The following OXSM variants were observed in gnomAD, a reference collection of about 807,000 sequenced individuals.
OXSM encodes the protein 3-oxoacyl-ACP synthase, mitochondrial, also known as 3-oxoacyl-[acyl-carrier-protein] synthase, mitochondrial.
OXSM carries 19 observed loss-of-function variants against 29.2 expected under a neutral mutation model. That is an observed-to-expected ratio of 0.65 (90% CI 0.45 to 0.96). The LOEUF (loss-of-function observed/expected upper bound fraction) is 0.96, where lower values mean the gene tolerates loss of function less well. Ranked by LOEUF, OXSM falls within the 40% of genes least tolerant of loss-of-function variation. The pLI is 0.00. For synonymous variants in OXSM, 178 were observed against 197.1 expected, an observed-to-expected ratio of 0.90 and a Z score of 0.81; for missense variants, 554 against 551.3, an observed-to-expected ratio of 1.00 and a Z score of -0.05.
chr3:25,791,868 T>C lies in OXSM; in HGVS notation c.848T>C (p.Leu283Pro). The change falls in exon 2 of 3, where the codon CTG becomes CCG. Residue 283 changes from leucine to proline, a missense_variant. Physicochemically the swap from Leu to Pro is moderately conservative, Grantham distance 98. Coordinates refer to ENST00000280701, the MANE Select transcript of OXSM (RefSeq NM_017897.3). ...GTAATGGGAGAAGGTGCAGCTGTGC[T>C]GGTGCTGGAAGAATATGAACATGCT... ...GFVMGEGAAV[L>P]VLEEYEHAVQ... 3 of 1,613,016 alleles carry C rather than the reference T, an allele frequency of 1.9e-6. No homozygotes were observed. The highest frequency in any genetic ancestry group is 2.5e-6 in the Non-Finnish European group (3 of 1,180,036).
intron 2 of OXSM, among the ~76,000 whole-genome samples, chr3:25,792,754 A>T (rs549858925): frequency 6.6e-6 from 1 of 152,276 alleles, no homozygotes; most frequent in African/African-American, 2.4e-5. Context: ...GACTACATTT[A>T]AGTTAACTGT....
Position 25,790,981 on chromosome 3 carries a change from CT to C in OXSM, c.-31-5del, listed in dbSNP as rs780467910. Reference sequence around the variant, plus strand: ...GAATACCTCCTAGGTGTGTTGTGGTCTTTTACAGGAATGTGTTTCTGATCAT... The same window carrying C: ...GAATACCTCCTAGGTGTGTTGTGGTCTTTACAGGAATGTGTTTCTGATCAT... On this transcript the variant is annotated splice_region_variant and splice_polypyrimidine_tract_variant and intron_variant, in intron 1 of 2. Coordinates refer to ENST00000280701, the MANE Select transcript of OXSM (RefSeq NM_017897.3). 4 of 1,580,036 alleles carry C rather than the reference CT, an allele frequency of 2.5e-6. No individual in the cohort carries two copies. The highest frequency in any genetic ancestry group is 2.6e-6 in the Non-Finnish European group (3 of 1,161,306).
Position 25,791,097 on chromosome 3 carries a change from G to C in OXSM, c.77G>C (p.Arg26Thr). 16 of 1,614,148 alleles carry C rather than the reference G, an allele frequency of 9.9e-6. No individual in the cohort carries two copies. Among genetic ancestry groups the C allele is most frequent in the Non-Finnish European group, 1.4e-5 (16 of 1,179,972 alleles). The part of the protein sequence containing the change: ...LLCSRLCQQL[R>T]SKRKFFGTVP... ...TGTTCAAGATTATGCCAACAGTTAA[G>C]AAGTAAAAGGAAGTTTTTCGGAACT... Residue 26 changes from arginine (R) to threonine (T), a missense_variant, in exon 2 of 3, where the codon AGA becomes ACA. Arg to Thr is a moderately conservative substitution (Grantham distance 71, BLOSUM62 -1). Transcript: ENST00000280701.
At chr3:25,792,124 T>A in intron 2 of OXSM, 127 bp downstream of exon 2, 2 of 743,310 alleles carry the variant, frequency 2.7e-6, no homozygotes, top group Non-Finnish European at 4.4e-6. Context: ...TTTTTTAGAC[T>A]AAACAAGATT....
At chr3:25,792,057 C>T (rs572266479) in intron 2 of OXSM, 60 bp downstream of exon 2, 2 of 1,451,930 alleles carry the variant, frequency 1.4e-6, no homozygotes, top group Admixed American at 2.0e-5. Flanking sequence ...ATTGGGAATC[C>T]CAAATTAGGG....
rs566279615 is a variant in OXSM at position 25,791,065 on chromosome 3, T to C, written c.45T>C (p.Arg15=). 63 of 1,613,586 alleles carry C rather than the reference T, an allele frequency of 3.9e-5. 1 individual carries two copies. In the South Asian group the frequency reaches 6.6e-4, roughly 17 times the overall value. ...ATTTCCTGAAAATTACAAGCACTCG[T>C]CTTCTATGTTCAAGATTATGCCAAC... ...LQNFLKITST[R]LLCSRLCQQL... The change falls in exon 2 of 3, where the codon CGT becomes CGC. Residue 15 remains arginine (R), a synonymous_variant. Transcript: ENST00000280701.
chr3:25,791,883 A>G lies in OXSM; in HGVS notation c.863A>G (p.Tyr288Cys). 1 of 1,611,296 alleles carries G rather than the reference A, an allele frequency of 6.2e-7. No individual in the cohort carries two copies. The highest frequency in any genetic ancestry group is 1.1e-5 in the South Asian group (1 of 91,086). ...EGAAVLVLEEYEHAVQRRARI... is the reference protein window; with the variant it reads ...EGAAVLVLEECEHAVQRRARI... ...GCAGCTGTGCTGGTGCTGGAAGAATATGAACATGCTGTTCAAAGAAGAGCC... is the reference window on the plus strand; with the variant it reads ...GCAGCTGTGCTGGTGCTGGAAGAATGTGAACATGCTGTTCAAAGAAGAGCC... Residue 288 changes from tyrosine (Y) to cysteine (C), a missense_variant, in exon 2 of 3, where the codon TAT (tyrosine) becomes TGT (cysteine). Coordinates refer to ENST00000280701, the MANE Select transcript of OXSM (RefSeq NM_017897.3).
In OXSM at chr3:25,794,446, C is replaced by A; in HGVS notation, c.1332C>A (p.Ser444=). 1 of 1,613,658 alleles carries A rather than the reference C, an allele frequency of 6.2e-7. No individual in the cohort carries two copies. The highest frequency in any genetic ancestry group is 1.3e-5 in the African/African-American group (1 of 75,048). Residue 444 remains serine, a synonymous_variant, in exon 3 of 3, where the codon TCC becomes TCA. Transcript: ENST00000280701. Reference sequence around the variant, plus strand: ...AAAGATTTATTGGCCTCACCAATTCCTTTGGTTTTGGTGGTACTAATGCAA... The same window carrying A: ...AAAGATTTATTGGCCTCACCAATTCATTTGGTTTTGGTGGTACTAATGCAA... ...TEKRFIGLTN[S]FGFGGTNATL...
chr3:25,792,360 G>A (rs1338894783), intron 2 of OXSM, among the ~76,000 whole-genome samples: 2 of 152,182 alleles, frequency 1.3e-5, no homozygotes, highest in African/African-American at 2.4e-5. Flanking sequence ...TTCTAGATGT[G>A]TCTGGTTTTG....
Position 25,791,064 on chromosome 3 carries a change from G to A in OXSM, c.44G>A (p.Arg15His), listed in dbSNP as rs1708732820. ...AATTTCCTGAAAATTACAAGCACTC[G>A]TCTTCTATGTTCAAGATTATGCCAA... Reference protein sequence around the residue: ...LQNFLKITSTRLLCSRLCQQL... With the variant: ...LQNFLKITSTHLLCSRLCQQL... Residue 15 changes from arginine (R) to histidine (H), a missense_variant, in exon 2 of 3, where the codon CGT (arginine) becomes CAT (histidine). Arg to His is a conservative substitution (Grantham distance 29). Coordinates refer to ENST00000280701, the MANE Select transcript of OXSM (RefSeq NM_017897.3). 6.2e-7 allele frequency: 1 copy of A among 1,613,436 alleles called. No homozygotes were observed. Among genetic ancestry groups the A allele is most frequent in the Non-Finnish European group, 8.5e-7 (1 of 1,179,456 alleles).
In OXSM at chr3:25,791,372, C is replaced by T. The variant is rs780784598; in HGVS notation, c.352C>T (p.Pro118Ser). Residue 118 changes from proline to serine, a missense_variant, in exon 2 of 3, where the codon CCC (proline) becomes TCC (serine). Physicochemically the swap from Pro to Ser is moderately conservative, Grantham distance 74 (BLOSUM62 -1). Transcript: ENST00000280701. The stretch of plus-strand genomic sequence containing the variant: ...ATCAGATATCAAGTCCATGTCTTCT[C>T]CCACCATCATGGCCATTGGGGCTGC... ...SKSDIKSMSS[P>S]TIMAIGAAEL... The T allele has an allele frequency of 1.2e-6, 2 of 1,614,176 alleles. No homozygotes were observed. The highest frequency in any genetic ancestry group is 2.2e-5 in the South Asian group (2 of 91,080).
chr3:25,793,846 T>G (rs1708817521), intron 2 of OXSM, among the ~76,000 whole-genome samples: 1 of 152,244 alleles, frequency 6.6e-6, no homozygotes, highest in Admixed American at 6.5e-5. Flanking sequence ...CAATCTTGCA[T>G]TGGCTTGTGT....
In OXSM at chr3:25,791,240, G is replaced by C. The variant is rs201690414; in HGVS notation, c.220G>C (p.Val74Leu). ...TCTTATCGGAGGAGAGAGTGGAATT[G>C]TTTCACTGGTTGGTGAAGAGTATAA... Reference protein sequence around the residue: ...DRLIGGESGIVSLVGEEYKSI... With the variant: ...DRLIGGESGILSLVGEEYKSI... The change falls in exon 2 of 3, where the codon GTT becomes CTT. Residue 74 changes from valine to leucine, a missense_variant. Val to Leu is a conservative substitution (Grantham distance 32, BLOSUM62 1). Transcript: ENST00000280701. 1.2e-6 allele frequency: 2 copies of C among 1,614,208 alleles called. No homozygotes were observed. Among genetic ancestry groups the C allele is most frequent in the East Asian group, 2.2e-5 (1 of 44,892 alleles).
Position 25,791,394 on chromosome 3 carries a change from C to A in OXSM, c.374C>A (p.Ala125Asp), listed in dbSNP as rs773100693. The A allele has an allele frequency of 6.2e-7, 1 of 1,614,178 alleles. No homozygotes were observed. The highest frequency in any genetic ancestry group is 8.5e-7 in the Non-Finnish European group (1 of 1,180,024). ...MSSPTIMAIG[A>D]AELAMKDSGW... ...TCTCCCACCATCATGGCCATTGGGG[C>A]TGCAGAATTAGCCATGAAGGATTCT... Residue 125 changes from alanine (A) to aspartate (D), a missense_variant, in exon 2 of 3, where the codon GCT becomes GAT. Coordinates refer to ENST00000280701, the MANE Select transcript of OXSM (RefSeq NM_017897.3).
At chr3:25,793,853 G>C (rs1005303559) in intron 2 of OXSM, among the ~76,000 whole-genome samples, 1 of 152,194 alleles carries the variant, frequency 6.6e-6, no homozygotes, top group African/African-American at 2.4e-5. Flanking sequence ...GCATTGGCTT[G>C]TGTGTTTAAC....
Position 25,791,603 on chromosome 3 carries a change from C to G in OXSM, c.583C>G (p.Arg195Gly), listed in dbSNP as rs147184138. Residue 195 changes from arginine (R) to glycine (G), a missense_variant, in exon 2 of 3, where the codon CGA (arginine) becomes GGA (glycine). By Grantham distance (125) the Arg-to-Gly change is moderately radical. Transcript: ENST00000280701. ...TATGGCAGCAGGCCAGGTCAGCATT[C>G]GATATAAACTCAAGGGCCCAAATCA... ...VNMAAGQVSI[R>G]YKLKGPNHAV... is the part of the protein sequence containing the mutation. The G allele has an allele frequency of 7.2e-4, 1,162 of 1,614,118 alleles. No individual in the cohort carries two copies. The highest frequency in any genetic ancestry group is 9.3e-4 in the Non-Finnish European group (1,097 of 1,180,002).
intron 2 of OXSM, among the ~76,000 whole-genome samples, chr3:25,793,153 CTT>C (rs542423496): frequency 3.5e-5 from 5 of 141,626 alleles, no homozygotes; most frequent in Admixed American, 1.4e-4. Flanking sequence ...TTTTTTCTTT[CTT>C]TTTTTTTTTT....
At chr3:25,793,696 T>G (rs1045553479) in intron 2 of OXSM, among the ~76,000 whole-genome samples, 3 of 152,238 alleles carry the variant, frequency 2.0e-5, no homozygotes, top group Non-Finnish European at 4.4e-5. Flanking sequence ...AAAATCATAA[T>G]TATAATTCTC....
rs1708757516 is a variant in OXSM at position 25,791,676 on chromosome 3, C to T, written c.656C>T (p.Ser219Leu). Residue 219 changes from serine (S) to leucine (L), a missense_variant, in exon 2 of 3, where the codon TCA becomes TTA. Coordinates refer to ENST00000280701, the MANE Select transcript of OXSM (RefSeq NM_017897.3). Reference sequence around the variant, plus strand: ...ACAGGAGCTCATGCTGTGGGAGACTCATTTAGATTTATAGCCCATGGTGAT... The same window carrying T: ...ACAGGAGCTCATGCTGTGGGAGACTTATTTAGATTTATAGCCCATGGTGAT... ...CTTGAHAVGD[S>L]FRFIAHGDAD... is the part of the protein sequence containing the mutation. 3.1e-6 allele frequency: 5 copies of T among 1,614,120 alleles called. No individual in the cohort carries two copies. Among genetic ancestry groups the T allele is most frequent in the East Asian group, 2.2e-5 (1 of 44,884 alleles).
Sources: gnomAD v4.1 joint callset for allele counts (sites outside exome capture counted in the v4.1 genomes callset) on GRCh38, gnomAD v4.1.1 for gene constraint, MANE v1.5 for transcripts, NCBI Gene and HGNC (gene_info 2026-07-23, HGNC 2026-07-21) for gene names.